CACNA1C: variants seen among roughly 807,000 people sequenced by gnomAD.
CACNA1C encodes the protein calcium voltage-gated channel subunit alpha1 C, also known as voltage-dependent L-type calcium channel subunit alpha-1C.
A neutral mutation model predicts 229.0 loss-of-function variants in CACNA1C; 30 were observed. That is an observed-to-expected ratio of 0.13 (90% confidence interval 0.10 to 0.18). CACNA1C has a LOEUF of 0.18. CACNA1C is among the 10% of genes least tolerant of loss of function. The pLI is 1.00. For missense variants in CACNA1C, 1,658 were observed against 2,845.0 expected (o/e 0.58, Z 9.49); for synonymous variants, 1,114 against 1,132.5 (o/e 0.98, Z 0.33).
intron 3 of CACNA1C, among the ~76,000 whole-genome samples, chr12:2,448,653 T>C (rs1176350900): frequency 6.6e-6 from 1 of 152,124 alleles, no homozygotes; most frequent in Non-Finnish European, 1.5e-5. Context: ...AATTCTCTTC[T>C]GGGAGAGCAC....
chr12:2,473,437 T>C (rs1368115822), intron 5 of CACNA1C, among the ~76,000 whole-genome samples: 1 of 152,216 alleles, frequency 6.6e-6, no homozygotes, highest in Admixed American at 6.5e-5. Context: ...GGGAAACTGT[T>C]CTTAATTATA....
chr12:2,645,354 G>A (rs1179558106), intron 30 of CACNA1C, among the ~76,000 whole-genome samples: 1 of 152,204 alleles, frequency 6.6e-6, no homozygotes, highest in East Asian at 1.9e-4. Flanking sequence ...CTGGGAAGGG[G>A]TCAGAGATTA....
intron 29 of CACNA1C, among the ~76,000 whole-genome samples, chr12:2,620,881 A>G (rs1231409669): frequency 6.6e-6 from 1 of 152,216 alleles, no homozygotes; most frequent in Non-Finnish European, 1.5e-5. Flanking sequence ...GCATGCATGC[A>G]TGAATGGATG....
In CACNA1C at chr12:2,504,399, C is replaced by A; in HGVS notation, c.1114-443C>A. ...CCTGCCTCTTTGCTGTAACCCAATT[C>A]TGCTTCTTCTTTCCTAACTTTCCTT... On this transcript the variant is annotated intron_variant, in intron 7 of 46. Transcript: ENST00000399655. The surrounding 1 kb of genome is among the most constrained non-coding windows in gnomAD (Gnocchi z 6.8). 1.6e-6 allele frequency: 2 copies of A among 1,246,322 alleles called. No homozygotes were observed. The highest frequency in any genetic ancestry group is 1.2e-5 in the South Asian group (1 of 83,412). The allele number at this position is 1,246,322 out of a possible 1,614,324, so 77.2% of individuals were successfully genotyped here. A position where few individuals can be genotyped will look rare whatever the true frequency, so the allele number is the denominator to read the frequency against.
chr12:2,358,813 A>C (rs1262767678), intron 3 of CACNA1C, among the ~76,000 whole-genome samples: 2 of 151,954 alleles, frequency 1.3e-5, no homozygotes, highest in Non-Finnish European at 2.9e-5. Flanking sequence ...GCCTACAGTC[A>C]CTGTCCTCAC....
intron 3 of CACNA1C, among the ~76,000 whole-genome samples, chr12:2,446,705 A>T (rs993243248): frequency 1.4e-5 from 2 of 145,534 alleles, no homozygotes; most frequent in African/African-American, 5.1e-5. Context: ...GGATAGATGG[A>T]TTGATGGGTG....
At chr12:2,648,668 G>T (rs926059153) in intron 31 of CACNA1C, among the ~76,000 whole-genome samples, 161 bp downstream of exon 31, 1 of 151,952 alleles carries the variant, frequency 6.6e-6, no homozygotes, top group Non-Finnish European at 1.5e-5. Context: ...TTCCCTTCTC[G>T]TGTGAGCTGT....
In CACNA1C at chr12:2,633,730, C is replaced by G; in HGVS notation, c.3829-567C>G. 7.0e-7 allele frequency: 1 copy of G among 1,438,520 alleles called. No individual in the cohort carries two copies. Among genetic ancestry groups the G allele is most frequent in the East Asian group, 2.3e-5 (1 of 43,822 alleles). The allele number at this position is 1,438,520 out of a possible 1,614,324, so 89.1% of individuals were successfully genotyped here. ...AGACTAATGTGAGTATTACTCTGCC[C>G]TCCCCAGGAAACCTCCTCATTCCTC... On this transcript the variant is annotated intron_variant, in intron 29 of 46. Coordinates refer to ENST00000399655, the MANE Select transcript of CACNA1C (RefSeq NM_000719.7). This position sits in a 1 kb window ranked among gnomAD's most constrained non-coding sequence, Gnocchi z 5.8.
intron 9 of CACNA1C, among the ~76,000 whole-genome samples, chr12:2,521,206 C>G (rs1320194365): frequency 6.6e-6 from 1 of 152,230 alleles, no homozygotes; most frequent in Admixed American, 6.5e-5. Flanking sequence ...CTACCTTTCA[C>G]TGTGTAACAG....
At chr12:2,041,038 C>T (rs2049988370) in intron 1 of CACNA1C, among the ~76,000 whole-genome samples, 1 of 152,134 alleles carries the variant, frequency 6.6e-6, no homozygotes, top group Non-Finnish European at 1.5e-5. Context: ...TCCAATAAAT[C>T]CTGATTGAAG....
At chr12:2,563,097 T>G (rs1257308305) in intron 11 of CACNA1C, among the ~76,000 whole-genome samples, 1 of 152,234 alleles carries the variant, frequency 6.6e-6, no homozygotes. Flanking sequence ...TTGCTTTAAT[T>G]TTTAGCTCCC....
In CACNA1C at chr12:2,602,505, G is replaced by A. The variant is rs2153410095; in HGVS notation, c.2960+545G>A. Among the ~76,000 whole-genome samples, 1 of 152,216 alleles carries A rather than the reference G, an allele frequency of 6.6e-6. No homozygotes were observed. Among genetic ancestry groups the A allele is most frequent in the African/African-American group, 2.4e-5 (1 of 41,516 alleles). ...GATGTGTGTTTGTGGCTGTGTGTATGTGTGTGTATGTATGTGTTTGTGTTT... is the reference window on the plus strand; with the variant it reads ...GATGTGTGTTTGTGGCTGTGTGTATATGTGTGTATGTATGTGTTTGTGTTT... On this transcript the variant is annotated intron_variant, in intron 22 of 46. Coordinates refer to ENST00000399655, the MANE Select transcript of CACNA1C (RefSeq NM_000719.7). This position sits in a 1 kb window ranked among gnomAD's most constrained non-coding sequence, Gnocchi z 4.4.
intron 27 of CACNA1C, among the ~76,000 whole-genome samples, chr12:2,609,916 G>A (rs942326862): frequency 6.6e-6 from 1 of 152,144 alleles, no homozygotes; most frequent in Non-Finnish European, 1.5e-5. Context: ...TTGAGGCCAG[G>A]AGTTTGAGAC....
intron 3 of CACNA1C, among the ~76,000 whole-genome samples, chr12:2,388,429 A>C (rs765986971): frequency 1.8e-4 from 27 of 152,240 alleles, no homozygotes; most frequent in Non-Finnish European, 3.5e-4. Flanking sequence ...AATAATATGC[A>C]GTTGTTATTT....
intron 29 of CACNA1C, among the ~76,000 whole-genome samples, chr12:2,625,803 TTTAAA>T (rs2086137145): frequency 6.6e-6 from 1 of 152,014 alleles, no homozygotes; most frequent in Non-Finnish European, 1.5e-5. Context: ...AAATTCTATT[TTTAAA>T]TTAGACAGAT....
At chr12:2,320,835 A>G (rs1345578208) in intron 3 of CACNA1C, among the ~76,000 whole-genome samples, 4 of 152,178 alleles carry the variant, frequency 2.6e-5, no homozygotes, top group Non-Finnish European at 5.9e-5. Context: ...AGCAGGAGAC[A>G]AAAAGGATGA....
At position 2,287,151 on chromosome 12, in the gene CACNA1C, A is replaced by G. The variant is rs760756441; in HGVS notation, c.478-161825A>G. On this transcript the variant is annotated intron_variant, in intron 3 of 46. Transcript: ENST00000399655. The surrounding 1 kb of genome is among the most constrained non-coding windows in gnomAD (Gnocchi z 4.6). ...GGACCCCTTCTGGGTTTCTCAAATT[A>G]TGGCTTTTCCTCCTTCATGGTCTCC... Among the ~76,000 whole-genome samples, 1 of 152,176 alleles carries G rather than the reference A, an allele frequency of 6.6e-6. No homozygotes were observed. Among genetic ancestry groups the G allele is most frequent in the Non-Finnish European group, 1.5e-5 (1 of 68,024 alleles).
In CACNA1C at chr12:2,575,709, C is replaced by T. The variant is rs2058143741; in HGVS notation, c.1896-5881C>T. On this transcript the variant is annotated intron_variant, in intron 13 of 46. Coordinates refer to ENST00000399655, the MANE Select transcript of CACNA1C (RefSeq NM_000719.7). This position sits in a 1 kb window ranked among gnomAD's most constrained non-coding sequence, Gnocchi z 4.0. ...AACTCAGTTATGACCTTCTCTGGAA[C>T]ACAGAGAGAATAGGGTGGAACATTT... Among the ~76,000 whole-genome samples the T allele has an allele frequency of 6.6e-6, 1 of 152,128 alleles. No homozygotes were observed. Among genetic ancestry groups the T allele is most frequent in the Non-Finnish European group, 1.5e-5 (1 of 68,026 alleles).
intron 3 of CACNA1C, among the ~76,000 whole-genome samples, chr12:2,150,231 A>G (rs921856534): frequency 2.6e-5 from 4 of 152,154 alleles, no homozygotes; most frequent in African/African-American, 9.7e-5. Context: ...TGCACTGTAA[A>G]AATAACACGG....
Sources: gnomAD v4.1 joint callset for allele counts (sites outside exome capture counted in the v4.1 genomes callset) on GRCh38, gnomAD v4.1.1 for gene constraint, Gnocchi (gnomAD v3.1) non-coding constraint, MANE v1.5 for transcripts, NCBI Gene and HGNC (gene_info 2026-07-23, HGNC 2026-07-21) for gene names.